DENND1A: variants seen among roughly 807,000 people sequenced by gnomAD.
The protein encoded by DENND1A is DENN domain containing 1A.
Under a neutral mutation model 113.7 loss-of-function variants are expected in DENND1A, and 51 were observed. The observed-to-expected ratio is 0.45, with a 90% CI of 0.36 to 0.57. The LOEUF is 0.57. Among genes scored for constraint, DENND1A ranks in the 20% least tolerant of loss-of-function variants. The pLI is 0.00. For synonymous variants in DENND1A, 565 were observed against 570.8 expected, an observed-to-expected ratio of 0.99 and a Z score of 0.14; for missense variants, 1,258 against 1,395.9, an observed-to-expected ratio of 0.90 and a Z score of 1.57.
intron 13 of DENND1A, among the ~76,000 whole-genome samples, chr9:123,507,327 T>C (rs1267646106): frequency 1.3e-5 from 2 of 152,280 alleles, no homozygotes. Flanking sequence ...GAATTCTAAA[T>C]AGATCTTATT....
At chr9:123,580,909 T>C (rs1233095453) in intron 12 of DENND1A, among the ~76,000 whole-genome samples, 1 of 151,760 alleles carries the variant, frequency 6.6e-6, no homozygotes, top group Non-Finnish European at 1.5e-5. Flanking sequence ...AGACTGGGGG[T>C]CCAATCTCAG....
chr9:123,641,981 C>T (rs1361378807), intron 9 of DENND1A, among the ~76,000 whole-genome samples: 1 of 152,124 alleles, frequency 6.6e-6, no homozygotes. Flanking sequence ...AATCCTGTGC[C>T]TCATCCAAAG....
chr9:123,570,028 C>T lies in DENND1A; in HGVS notation c.868-12333G>A, dbSNP rs538477617. Among the ~76,000 whole-genome samples the T allele has an allele frequency of 3.8e-4, 58 of 152,232 alleles. 1 individual carries two copies. Among genetic ancestry groups the T allele is most frequent in the Middle Eastern group, 3.4e-3 (1 of 294 alleles). ...TCTTTTGTCCCTCCCAACCACACAC[C>T]CTATGTTCTAGCCGTAATAAACTGT... On this transcript the variant is annotated intron_variant, in intron 12 of 23. Coordinates refer to ENST00000394215, the MANE Select transcript of DENND1A (RefSeq NM_001352964.2).
chr9:123,554,074 A>G (rs1165061003), intron 13 of DENND1A, among the ~76,000 whole-genome samples: 1 of 152,168 alleles, frequency 6.6e-6, no homozygotes, highest in Admixed American at 6.5e-5. Context: ...TTATAACCAG[A>G]GAAACAACAA....
chr9:123,678,526 G>A (rs991003002), intron 5 of DENND1A, among the ~76,000 whole-genome samples: 2 of 152,172 alleles, frequency 1.3e-5, no homozygotes, highest in Non-Finnish European at 2.9e-5. Context: ...ACGAGGTAGC[G>A]CACAGATGTG....
chr9:123,643,058 C>T (rs990659368), intron 9 of DENND1A, among the ~76,000 whole-genome samples: 3 of 151,982 alleles, frequency 2.0e-5, no homozygotes, highest in Admixed American at 2.0e-4. Flanking sequence ...AGGACTGGGG[C>T]AAGGCTGGAA....
intron 4 of DENND1A, among the ~76,000 whole-genome samples, chr9:123,765,488 T>C (rs1828644174): frequency 6.6e-6 from 1 of 152,210 alleles, no homozygotes; most frequent in African/African-American, 2.4e-5. Flanking sequence ...ATCCTGACCA[T>C]TAAATGATGC....
intron 2 of DENND1A, among the ~76,000 whole-genome samples, chr9:123,839,186 G>T (rs1461626295): frequency 6.6e-6 from 1 of 152,178 alleles, no homozygotes; most frequent in African/African-American, 2.4e-5. Context: ...CAAGATAAGT[G>T]GTGAACGAAG....
rs761281711 is a variant in DENND1A, at chr9:123,381,588, C to T, written c.3057G>A (p.Leu1019=). The T allele has an allele frequency of 6.2e-7, 1 of 1,613,462 alleles. No individual in the cohort carries two copies. Among genetic ancestry groups the T allele is most frequent in the South Asian group, 1.1e-5 (1 of 91,088 alleles). Residue 1019 remains leucine, a synonymous_variant, in exon 24 of 24, where the codon CTG becomes CTA. Coordinates refer to ENST00000394215, the MANE Select transcript of DENND1A (RefSeq NM_001352964.2). The surrounding 1 kb of genome is among the most constrained non-coding windows in gnomAD (Gnocchi z 4.7). ...GAGCAGAGGGCTGCAGTGTTGGCTC[C>T]AGGCCTTGAGGGGGCCTGGGAGGCA... is the stretch of plus-strand genomic sequence containing the variant. ...PLLPPRPPQG[L]EPTLQPSAPQ... is the part of the protein sequence containing the mutation.
intron 19 of DENND1A, chr9:123,413,802 GA>G: frequency 7.1e-6 from 7 of 985,410 alleles, no homozygotes; most frequent in Non-Finnish European, 8.4e-6. Flanking sequence ...TGGCTTACAG[GA>G]AGTGTGTGGG....
chr9:123,457,616 T>A (rs2048225904), intron 14 of DENND1A, among the ~76,000 whole-genome samples, 177 bp downstream of exon 14: 1 of 152,222 alleles, frequency 6.6e-6, no homozygotes. Flanking sequence ...CACGGCAGAT[T>A]TGCAAAGGGT....
intron 13 of DENND1A, among the ~76,000 whole-genome samples, chr9:123,499,695 C>T (rs1050346002): frequency 1.3e-5 from 2 of 152,232 alleles, no homozygotes; most frequent in African/African-American, 2.4e-5. Flanking sequence ...CTCCTGCTTA[C>T]GGCAGATGGT....
intron 13 of DENND1A, among the ~76,000 whole-genome samples, chr9:123,495,403 C>T (rs2051823707): frequency 6.6e-6 from 1 of 152,054 alleles, no homozygotes; most frequent in Admixed American, 6.6e-5. Flanking sequence ...TTCAAATGGC[C>T]CATGTGGCTA....
intron 10 of DENND1A, among the ~76,000 whole-genome samples, chr9:123,623,750 C>T (rs1329511336): frequency 2.0e-5 from 3 of 152,184 alleles, no homozygotes; most frequent in Non-Finnish European, 4.4e-5. Context: ...TTATTAACTG[C>T]ATGCAAACTA....
chr9:123,512,406 T>C (rs893872868), intron 13 of DENND1A, among the ~76,000 whole-genome samples: 1 of 152,200 alleles, frequency 6.6e-6, no homozygotes, highest in African/African-American at 2.4e-5. Context: ...CTCGGCTCAC[T>C]TCACTTGAAA....
chr9:123,677,168 C>A (rs78029782), intron 5 of DENND1A, among the ~76,000 whole-genome samples: 2 of 150,878 alleles, frequency 1.3e-5, no homozygotes, highest in East Asian at 3.9e-4. Flanking sequence ...GACACAGACA[C>A]AGACACACAC....
At chr9:123,649,116 C>T (rs2062503100) in intron 9 of DENND1A, among the ~76,000 whole-genome samples, 1 of 152,098 alleles carries the variant, frequency 6.6e-6, no homozygotes. Flanking sequence ...AGAATTAGCT[C>T]GTCAGGTACT....
chr9:123,382,828 G>A (rs1196887638), intron 23 of DENND1A, among the ~76,000 whole-genome samples: 4 of 152,256 alleles, frequency 2.6e-5, no homozygotes, highest in Non-Finnish European at 5.9e-5. Flanking sequence ...CCTGTGCTCC[G>A]GGAACTCAAG....
intron 5 of DENND1A, among the ~76,000 whole-genome samples, chr9:123,692,050 G>C (rs949193750): frequency 6.6e-6 from 1 of 152,084 alleles, no homozygotes; most frequent in Non-Finnish European, 1.5e-5. Context: ...CAGCAGGTGC[G>C]GTCCTCCCAT....
Sources: allele counts gnomAD v4.1 joint callset (sites outside exome capture counted in the v4.1 genomes callset), GRCh38; gene constraint gnomAD v4.1.1; non-coding constraint Gnocchi (gnomAD v3.1); transcripts MANE v1.5; gene names NCBI Gene and HGNC (gene_info 2026-07-23, HGNC 2026-07-21).